TCF4: variants seen among roughly 807,000 people sequenced by gnomAD.
The protein encoded by TCF4 is SL3-3 enhancer factor 2.
A neutral mutation model predicts 82.1 loss-of-function variants in TCF4; 3 were observed. That is an observed-to-expected ratio of 0.04 (90% CI 0.02 to 0.09). The LOEUF is 0.09. Ranked by LOEUF, TCF4 falls within the 10% of genes least tolerant of loss-of-function variation. TCF4 has a pLI of 1.00. For missense variants in TCF4, 518 were observed against 852.7 expected, an observed-to-expected ratio of 0.61 and a Z score of 4.89; for synonymous variants, 276 against 309.6, an observed-to-expected ratio of 0.89 and a Z score of 1.14.
chr18:55,383,552 T>G (rs904859040), intron 6 of TCF4, among the ~76,000 whole-genome samples: 1 of 152,172 alleles, frequency 6.6e-6, no homozygotes, highest in East Asian at 1.9e-4. Context: ...TTGAAGACAC[T>G]ACGACAAGGC....
rs2061387738 is a variant in TCF4, at chr18:55,275,732, G to T, written c.676C>A (p.Pro226Thr). ...FMQDGHHSSD[P>T]WSSSSGMNQP... The stretch of plus-strand genomic sequence containing the variant: ...TTCATCCCACTGGAGGAGCTCCAAG[G>T]GTCACTGCTGTGATGGCCATCTGTA... Residue 226 changes from proline to threonine, a missense_variant, in exon 10 of 20, where the codon CCT (proline) becomes ACT (threonine). This residue lies in a region of TCF4 where 211 missense variants were observed against 327.4 expected (regional missense o/e 0.64). Coordinates refer to ENST00000354452, the MANE Select transcript of TCF4 (RefSeq NM_001083962.2). 1.2e-6 allele frequency: 2 copies of T among 1,613,686 alleles called. No homozygotes were observed. The highest frequency in any genetic ancestry group is 1.7e-6 in the Non-Finnish European group (2 of 1,179,770).
chr18:55,586,972 T>G, intron 2 of TCF4, 73 bp downstream of exon 2: 1 of 1,328,092 alleles, frequency 7.5e-7, no homozygotes, highest in South Asian at 1.2e-5. Flanking sequence ...TCCTACTGGT[T>G]TCTAGCTGAA....
At chr18:55,381,958 CTT>C (rs550927321) in intron 6 of TCF4, among the ~76,000 whole-genome samples, 88 of 149,626 alleles carry the variant, frequency 5.9e-4, no homozygotes, top group African/African-American at 2.0e-3. Flanking sequence ...TTACTAAAAA[CTT>C]TGACTAGTAC....
intron 8 of TCF4, among the ~76,000 whole-genome samples, chr18:55,334,684 A>G (rs2078277451): frequency 6.6e-6 from 1 of 152,188 alleles, no homozygotes; most frequent in African/African-American, 2.4e-5. Context: ...GAATTAATAA[A>G]TTATTACTGG....
At chr18:55,384,992 A>T (rs1203818615) in intron 6 of TCF4, among the ~76,000 whole-genome samples, 3 of 152,144 alleles carry the variant, frequency 2.0e-5, no homozygotes, top group Non-Finnish European at 4.4e-5. Context: ...TTTACTCACT[A>T]ATGACAAAAA....
chr18:55,401,770 G>A (rs538667026), intron 6 of TCF4: 3 of 985,722 alleles, frequency 3.0e-6, no homozygotes, highest in East Asian at 1.1e-4. Flanking sequence ...GAGGAATCAC[G>A]CCAATTCCTA....
intron 2 of TCF4, among the ~76,000 whole-genome samples, chr18:55,623,687 G>A (rs1246445688): frequency 2.6e-5 from 4 of 152,034 alleles, no homozygotes; most frequent in Middle Eastern, 3.4e-3. Flanking sequence ...TCTTTAACAC[G>A]CCTGATCCTT....
chr18:55,381,676 A>C (rs2091913492), intron 6 of TCF4, among the ~76,000 whole-genome samples: 1 of 152,208 alleles, frequency 6.6e-6, no homozygotes, highest in Admixed American at 6.5e-5. Context: ...CAGAAATTCA[A>C]GTTTCTCCCT....
At chr18:55,512,847 A>C (rs544838868) in intron 3 of TCF4, among the ~76,000 whole-genome samples, 1 of 152,316 alleles carries the variant, frequency 6.6e-6, no homozygotes, top group East Asian at 1.9e-4. Context: ...CATAAGATCA[A>C]CCTTGAAAGA....
intron 6 of TCF4, among the ~76,000 whole-genome samples, chr18:55,383,415 A>C (rs72926932): frequency 0.051 from 7,717 of 152,296 alleles, 271 homozygotes; most frequent in Non-Finnish European, 0.075. Flanking sequence ...TAAACCTAGG[A>C]TACCACTAAA....
At chr18:55,283,409 T>C (rs1174404844) in intron 8 of TCF4, among the ~76,000 whole-genome samples, 1 of 152,230 alleles carries the variant, frequency 6.6e-6, no homozygotes, top group Non-Finnish European at 1.5e-5. Flanking sequence ...TAAGAAGCTC[T>C]CATTTTTACT....
At position 55,366,640 on chromosome 18, in the gene TCF4, G is replaced by A. The variant is rs1010805444; in HGVS notation, c.370-15637C>T. Among the ~76,000 whole-genome samples the A allele has an allele frequency of 6.6e-5, 10 of 152,194 alleles. No individual in the cohort carries two copies. The East Asian group carries it at 1.5e-3, about 23-fold the overall frequency. ...ATGTCAACACCTAAACCTATTTCACGAAAAAGTGTCTTTCAATTCCCTTAG... is the reference window on the plus strand; with the variant it reads ...ATGTCAACACCTAAACCTATTTCACAAAAAAGTGTCTTTCAATTCCCTTAG... On this transcript the variant is annotated intron_variant, in intron 6 of 19. Transcript: ENST00000354452.
chr18:55,629,504 A>C (rs1237503595), intron 2 of TCF4, among the ~76,000 whole-genome samples: 1 of 152,182 alleles, frequency 6.6e-6, no homozygotes, highest in East Asian at 1.9e-4. Context: ...GGTATAAGAT[A>C]CTATGGGGCT....
intron 4 of TCF4, 101 bp downstream of exon 4, chr18:55,463,975 T>TGAGA (rs1190208490): frequency 1.4e-4 from 33 of 234,892 alleles, no homozygotes; most frequent in Middle Eastern, 1.1e-3. Flanking sequence ...TGTGTGTGTG[T>TGAGA]GTGAGAGAGA....
At chr18:55,366,029 T>C (rs1028739510) in intron 6 of TCF4, among the ~76,000 whole-genome samples, 2 of 142,414 alleles carry the variant, frequency 1.4e-5, no homozygotes, top group Non-Finnish European at 1.5e-5. Context: ...GATATAGATA[T>C]ATAAGACATA....
At chr18:55,228,768 C>G (rs2047053801) in intron 18 of TCF4, 79 bp downstream of exon 18, 1 of 1,458,710 alleles carries the variant, frequency 6.9e-7, no homozygotes, top group Non-Finnish European at 9.5e-7. Flanking sequence ...TGCCACTGCT[C>G]AAGACTGGCG....
chr18:55,530,563 G>GA (rs371484601), intron 3 of TCF4, among the ~76,000 whole-genome samples: 111 of 137,142 alleles, frequency 8.1e-4, no homozygotes, highest in African/African-American at 2.8e-3. Context: ...CCCTGAAAAG[G>GA]GGGGGGGAAA....
At chr18:55,398,519 C>A (rs2093627040) in intron 6 of TCF4, among the ~76,000 whole-genome samples, 1 of 152,104 alleles carries the variant, frequency 6.6e-6, no homozygotes, top group Non-Finnish European at 1.5e-5. Flanking sequence ...ACGATTCAAC[C>A]CCCCAAAAAG....
chr18:55,620,296 T>G lies in TCF4; in HGVS notation c.286+11002A>C, dbSNP rs1172791655. 7.2e-5 allele frequency among the ~76,000 whole-genome samples: 11 copies of G among 152,286 alleles called. No individual in the cohort carries two copies. In the East Asian group the frequency reaches 2.1e-3, roughly 29 times the overall value. Reference sequence around the variant, plus strand: ...ACAAGGACCTAACTTTTAAAATTTGTTAAGTGGGACCAAATCTGTGCTTAA... The same window carrying G: ...ACAAGGACCTAACTTTTAAAATTTGGTAAGTGGGACCAAATCTGTGCTTAA... On this transcript the variant is annotated intron_variant, in intron 2 of 20. Coordinates refer to the TCF4 transcript ENST00000398339.
Sources: allele counts gnomAD v4.1 joint callset (sites outside exome capture counted in the v4.1 genomes callset), GRCh38; gene constraint gnomAD v4.1.1; regional missense constraint gnomAD v4.1.1; transcripts MANE v1.5; gene names NCBI Gene and HGNC (gene_info 2026-07-23, HGNC 2026-07-21).